APLF: variants seen among roughly 807,000 people sequenced by gnomAD.
The protein encoded by APLF is aprataxin and PNK-like factor.
APLF carries 61 observed loss-of-function variants against 55.6 expected under a neutral mutation model. That is an observed-to-expected ratio of 1.10 (90% CI 0.89 to 1.36). The LOEUF (loss-of-function observed/expected upper bound fraction) is 1.36. Ranked by LOEUF, APLF falls within the 40% of genes most tolerant of loss-of-function variation. APLF has a pLI of 0.00. For synonymous variants in APLF, 207 were observed against 214.8 expected (o/e 0.96, Z 0.32); for missense variants, 611 against 602.5 (o/e 1.01, Z -0.15).
rs1394384057 is a variant in APLF, at chr2:68,562,968, T to C, written c.1287-4373T>C. The stretch of plus-strand genomic sequence containing the variant: ...GTTAAAGTCCATCTATTCTGTGAGT[T>C]CTGTTTACCATCAAAGAGAATAAAT... On this transcript the variant is annotated intron_variant, in intron 8 of 9. Coordinates refer to ENST00000303795, the MANE Select transcript of APLF (RefSeq NM_173545.3). 7 of 564,174 alleles carry C rather than the reference T, an allele frequency of 1.2e-5. No individual in the cohort carries two copies. In the East Asian group the frequency reaches 8.7e-4, roughly 70 times the overall value. 34.9% of individuals were successfully genotyped at this position (564,174 alleles called of 1,614,324 possible).
At chr2:68,475,679 T>C (rs1675748706) in intron 1 of APLF, among the ~76,000 whole-genome samples, 1 of 152,174 alleles carries the variant, frequency 6.6e-6, no homozygotes, top group Non-Finnish European at 1.5e-5. Flanking sequence ...AATACGATAA[T>C]GTCAAACATC....
At chr2:68,497,285 T>G (rs1489267580) in intron 2 of APLF, among the ~76,000 whole-genome samples, 2 of 152,094 alleles carry the variant, frequency 1.3e-5, no homozygotes, top group African/African-American at 4.8e-5. Context: ...TGGATTTGTG[T>G]CCCTGCCCAA....
At chr2:68,482,415 G>A (rs1316916082) in intron 1 of APLF, among the ~76,000 whole-genome samples, 1 of 152,128 alleles carries the variant, frequency 6.6e-6, no homozygotes, top group East Asian at 1.9e-4. Context: ...GTGTGTGGTG[G>A]TAGTGGTGGT....
chr2:68,485,870 C>T (rs1408023841), intron 1 of APLF, among the ~76,000 whole-genome samples: 1 of 145,252 alleles, frequency 6.9e-6, no homozygotes, highest in Non-Finnish European at 1.5e-5. Flanking sequence ...AGTGCAGTGG[C>T]GCGATCATGG....
At chr2:68,489,219 T>G (rs1227923951) in intron 1 of APLF, among the ~76,000 whole-genome samples, 1 of 152,248 alleles carries the variant, frequency 6.6e-6, no homozygotes, top group East Asian at 1.9e-4. Flanking sequence ...CCTGGCAGTT[T>G]CACATTTTTT....
chr2:68,573,771 G>A (rs1234985575), intron 9 of APLF, among the ~76,000 whole-genome samples: 1 of 151,926 alleles, frequency 6.6e-6, no homozygotes, highest in Non-Finnish European at 1.5e-5. Flanking sequence ...CTAACCCCTG[G>A]TCTAGTCCTC....
intron 5 of APLF, among the ~76,000 whole-genome samples, chr2:68,518,516 T>C (rs1170962850): frequency 8.5e-6 from 1 of 117,082 alleles, no homozygotes; most frequent in Non-Finnish European, 1.6e-5. Context: ...TGTTAATATA[T>C]TATTATATTA....
At chr2:68,573,957 C>T (rs1296017850) in intron 9 of APLF, among the ~76,000 whole-genome samples, 2 of 151,840 alleles carry the variant, frequency 1.3e-5, no homozygotes, top group Non-Finnish European at 2.9e-5. Context: ...TTCAGGTTCT[C>T]ATAGACAATC....
intron 8 of APLF, chr2:68,563,238 T>A (rs1276458898): frequency 1.0e-6 from 1 of 985,130 alleles, no homozygotes; most frequent in Admixed American, 6.2e-5. Flanking sequence ...TTTCCCCTTC[T>A]AAGGCAGATG....
chr2:68,565,550 CATACATAG>C (rs1229324739), intron 8 of APLF, among the ~76,000 whole-genome samples: 60 of 151,994 alleles, frequency 3.9e-4, no homozygotes, highest in African/African-American at 8.7e-4. Flanking sequence ...TACATACATA[CATACATAG>C]ATAAAAGAAG....
chr2:68,471,131 C>T (rs1235955101), intron 1 of APLF, among the ~76,000 whole-genome samples: 1 of 152,204 alleles, frequency 6.6e-6, no homozygotes. Flanking sequence ...CACGTGATTT[C>T]TTCCTTCCAT....
intron 5 of APLF, among the ~76,000 whole-genome samples, chr2:68,518,405 T>A (rs1461018104): frequency 5.7e-5 from 4 of 70,512 alleles, no homozygotes; most frequent in Non-Finnish European, 8.6e-5. Context: ...TATAACAATA[T>A]ATTATATATT....
intron 1 of APLF, among the ~76,000 whole-genome samples, chr2:68,481,386 T>TG (rs397785267): frequency 4.1e-4 from 39 of 94,062 alleles, no homozygotes; most frequent in Non-Finnish European, 5.1e-4. Context: ...TGTTTTGTTT[T>TG]TGTTTGTTTG....
At chr2:68,468,085 C>CTTTTG (rs1217166303) in intron 1 of APLF, among the ~76,000 whole-genome samples, 1 of 152,216 alleles carries the variant, frequency 6.6e-6, no homozygotes, top group Non-Finnish European at 1.5e-5. Flanking sequence ...GGGGCCAAAT[C>CTTTTG]CAGCCTATGT....
At chr2:68,565,751 A>C (rs2104065182) in intron 8 of APLF, among the ~76,000 whole-genome samples, 1 of 152,258 alleles carries the variant, frequency 6.6e-6, no homozygotes, top group East Asian at 1.9e-4. Flanking sequence ...AAATATTTTA[A>C]ACACACTATA....
intron 8 of APLF, among the ~76,000 whole-genome samples, chr2:68,550,392 C>T (rs759838948): frequency 2.0e-5 from 3 of 151,728 alleles, no homozygotes; most frequent in Admixed American, 6.6e-5. Flanking sequence ...CCACCACGCC[C>T]GGCTAATTTT....
intron 9 of APLF, among the ~76,000 whole-genome samples, chr2:68,576,396 A>G (rs1249458687): frequency 6.6e-6 from 1 of 152,176 alleles, no homozygotes; most frequent in African/African-American, 2.4e-5. Flanking sequence ...ATACAGATAT[A>G]TGTAATGCAA....
At chr2:68,548,650 T>C (rs1670774374) in intron 8 of APLF, among the ~76,000 whole-genome samples, 1 of 151,966 alleles carries the variant, frequency 6.6e-6, no homozygotes, top group Non-Finnish European at 1.5e-5. Flanking sequence ...ACAAACATAC[T>C]TTTATATATT....
chr2:68,565,756 A>C (rs942334384), intron 8 of APLF, among the ~76,000 whole-genome samples: 1 of 152,088 alleles, frequency 6.6e-6, no homozygotes, highest in Admixed American at 6.6e-5. Flanking sequence ...TTTTAAACAC[A>C]CTATACTTTT....
Sources: allele counts gnomAD v4.1 joint callset (sites outside exome capture counted in the v4.1 genomes callset), GRCh38; gene constraint gnomAD v4.1.1; transcripts MANE v1.5; gene names NCBI Gene and HGNC (gene_info 2026-07-23, HGNC 2026-07-21).